MTR: variants seen among roughly 807,000 people sequenced by gnomAD.
The protein encoded by MTR is 5-methyltetrahydrofolate-homocysteine methyltransferase.
A neutral mutation model predicts 154.8 loss-of-function variants in MTR; 84 were observed. That is an observed-to-expected ratio of 0.54 (90% CI 0.45 to 0.65). The LOEUF (loss-of-function observed/expected upper bound fraction) is 0.65, where lower values mean the gene tolerates loss of function less well. Among genes scored for constraint, MTR ranks in the 30% least tolerant of loss-of-function variants. The pLI is 0.00. For missense variants in MTR, 1,275 were observed against 1,570.2 expected, an observed-to-expected ratio of 0.81 and a Z score of 3.18; for synonymous variants, 554 against 553.9, an observed-to-expected ratio of 1.00 and a Z score of 0.00.
In MTR at chr1:236,901,266, T is replaced by G. The variant is rs1666905715; in HGVS notation, c.*3622T>G. On this transcript the variant is annotated 3_prime_UTR_variant, in exon 33 of 33. Coordinates refer to ENST00000366577, the MANE Select transcript of MTR (RefSeq NM_000254.3). ...CAGCGTCAGGGGATTGTGGGGACTG[T>G]TGGCACACAGCTGGCTTTGCTAGGT... 1.3e-5 allele frequency: 2 copies of G among 152,588 alleles called. No homozygotes were observed. Among genetic ancestry groups the G allele is most frequent in the African/African-American group, 4.8e-5 (2 of 41,408 alleles). The allele number at this position is 152,588 out of a possible 1,614,324, so 9.5% of individuals were successfully genotyped here.
In MTR at chr1:236,861,214, C is replaced by T. The variant is rs760288302; in HGVS notation, c.2133C>T (p.Pro711=). 1.2e-6 allele frequency: 2 copies of T among 1,613,346 alleles called. No individual in the cohort carries two copies. The highest frequency in any genetic ancestry group is 3.3e-5 in the Admixed American group (2 of 59,960). Residue 711 remains proline (P), a synonymous_variant, in exon 20 of 33, where the codon CCC becomes CCT. Transcript: ENST00000366577. ...YPRPLNIIEG[P]LMNGMKIVGD... ...GACCTCTCAATATAATTGAAGGACC[C>T]CTGATGAATGGAATGAAAATTGTTG...
At chr1:236,806,054 C>A in intron 2 of MTR, 90 bp from the exon 3 acceptor site, 2 of 1,049,898 alleles carry the variant, frequency 1.9e-6, no homozygotes, top group Non-Finnish European at 1.5e-6. Context: ...AAGGTAGCTG[C>A]TGATAATGGT....
intron 28 of MTR, among the ~76,000 whole-genome samples, 182 bp from the exon 29 acceptor site, chr1:236,890,951 G>A (rs1382077028): frequency 6.6e-6 from 1 of 152,172 alleles, no homozygotes; most frequent in Non-Finnish European, 1.5e-5. Context: ...AGCAGGAGCC[G>A]CAAAGCCCTG....
intron 8 of MTR, 51 bp from the exon 9 acceptor site, chr1:236,824,068 T>C (rs761731523): frequency 2.8e-6 from 4 of 1,446,696 alleles, no homozygotes; most frequent in Non-Finnish European, 2.9e-6. Flanking sequence ...CTTATATGCA[T>C]AAATATGAAT....
In MTR at chr1:236,832,943, T is replaced by C. The variant is rs1290388520; in HGVS notation, c.1188+865T>C. 2.0e-5 allele frequency among the ~76,000 whole-genome samples: 3 copies of C among 152,370 alleles called. No individual in the cohort carries two copies. In the East Asian group the frequency reaches 5.8e-4, roughly 29 times the overall value. On this transcript the variant is annotated intron_variant, in intron 13 of 32. Transcript: ENST00000366577. ...GTTTCACCACTTCCTCTGTTGGTCC[T>C]CTTCCCCTCATTCTTGCTGCTGTCC... is the stretch of plus-strand genomic sequence containing the variant.
chr1:236,809,068 T>C (rs952511585), intron 4 of MTR, among the ~76,000 whole-genome samples: 1 of 152,244 alleles, frequency 6.6e-6, no homozygotes, highest in African/African-American at 2.4e-5. Flanking sequence ...AGAGCTGAAA[T>C]AATTTATGTC....
At chr1:236,800,775 A>G (rs1390070239) in intron 1 of MTR, among the ~76,000 whole-genome samples, 1 of 152,256 alleles carries the variant, frequency 6.6e-6, no homozygotes, top group Non-Finnish European at 1.5e-5. Context: ...TATACATCAA[A>G]CACCAATGTC....
chr1:236,884,355 CTT>C (rs1410040805), intron 25 of MTR, among the ~76,000 whole-genome samples: 1 of 152,200 alleles, frequency 6.6e-6, no homozygotes, highest in East Asian at 1.9e-4. Flanking sequence ...AATAGAATAT[CTT>C]TGAAACCTTG....
intron 3 of MTR, among the ~76,000 whole-genome samples, chr1:236,806,930 T>G (rs1265179215): frequency 2.6e-5 from 4 of 152,196 alleles, no homozygotes; most frequent in Admixed American, 2.0e-4. Flanking sequence ...TCCTTCCTTT[T>G]TAAGGTTGAA....
rs1572265902 is a variant in MTR, at chr1:236,852,733, C to A, written c.1812+96C>A. 5.8e-6 allele frequency: 7 copies of A among 1,212,552 alleles called. No homozygotes were observed. In the East Asian group the frequency reaches 1.6e-4, roughly 28 times the overall value. The allele number at this position is 1,212,552 out of a possible 1,614,324, so 75.1% of individuals were successfully genotyped here. A position where few individuals can be genotyped will look rare whatever the true frequency, so the allele number is the denominator to read the frequency against. On this transcript the variant is annotated intron_variant, in intron 17 of 32. Coordinates refer to ENST00000366577, the MANE Select transcript of MTR (RefSeq NM_000254.3). The stretch of plus-strand genomic sequence containing the variant: ...ATGCAGGCTAAGTCCGGCCTGCTGC[C>A]AGTTTCTGTAAATAAGATTTTATTG...
At chr1:236,833,202 C>T (rs1434139056) in intron 13 of MTR, among the ~76,000 whole-genome samples, 1 of 152,186 alleles carries the variant, frequency 6.6e-6, no homozygotes, top group East Asian at 1.9e-4. Context: ...GTGACTCTTC[C>T]TAGCCATATA....
At position 236,867,369 on chromosome 1, in the gene MTR, A is replaced by G. The variant is rs549702670; in HGVS notation, c.2405+3815A>G. ...TGGGTTTACTGAATATTTTAAGCCT[A>G]CCATTAAGACCTACTGCTCAGTAAA... On this transcript the variant is annotated intron_variant, in intron 22 of 32. Coordinates refer to ENST00000366577, the MANE Select transcript of MTR (RefSeq NM_000254.3). Among the ~76,000 whole-genome samples, 4 of 152,336 alleles carry G rather than the reference A, an allele frequency of 2.6e-5. No homozygotes were observed. In the East Asian group the frequency reaches 7.7e-4, roughly 29 times the overall value.
In MTR at chr1:236,867,578, A is replaced by G. The variant is rs114136683; in HGVS notation, c.2405+4024A>G. On this transcript the variant is annotated intron_variant, in intron 22 of 32. Coordinates refer to ENST00000366577, the MANE Select transcript of MTR (RefSeq NM_000254.3). The stretch of plus-strand genomic sequence containing the variant: ...TACATTTTGTAAGGCTGTAGCTGCC[A>G]TAGATAGTGATGGATCTGGGCAAAG... Among the ~76,000 whole-genome samples, 864 of 152,316 alleles carry G rather than the reference A, an allele frequency of 5.7e-3. 11 individuals are homozygous for G. Among genetic ancestry groups the G allele is most frequent in the African/African-American group, 0.02 (813 of 41,578 alleles).
intron 32 of MTR, among the ~76,000 whole-genome samples, 157 bp downstream of exon 32, chr1:236,897,275 T>A (rs1390976400): frequency 1.0e-5 from 1 of 96,470 alleles, no homozygotes; most frequent in Non-Finnish European, 2.5e-5. Context: ...ATACCTCTAT[T>A]CTAGCCCTCA....
intron 15 of MTR, among the ~76,000 whole-genome samples, chr1:236,848,099 A>G (rs1165091955): frequency 1.3e-5 from 2 of 152,210 alleles, no homozygotes; most frequent in African/African-American, 4.8e-5. Flanking sequence ...GCTAGACGCC[A>G]TGAGAACAAT....
At chr1:236,842,428 A>G (rs1446976177) in intron 15 of MTR, among the ~76,000 whole-genome samples, 1 of 152,076 alleles carries the variant, frequency 6.6e-6, no homozygotes, top group African/African-American at 2.4e-5. Flanking sequence ...TGTTTTGGAC[A>G]GGTTGCCTAA....
chr1:236,836,580 T>C (rs536310622), intron 14 of MTR, among the ~76,000 whole-genome samples: 1 of 152,346 alleles, frequency 6.6e-6, no homozygotes, highest in African/African-American at 2.4e-5. Context: ...AACTTCCTAG[T>C]GCTCTAAGAG....
intron 15 of MTR, among the ~76,000 whole-genome samples, chr1:236,845,598 A>G (rs1183418921): frequency 6.6e-6 from 1 of 152,190 alleles, no homozygotes; most frequent in African/African-American, 2.4e-5. Flanking sequence ...ATATGCCGAG[A>G]TTTTACACCA....
Position 236,831,979 on chromosome 1 carries a change from C to A in MTR, c.1089C>A (p.Phe363Leu), listed in dbSNP as rs145217819. 29 of 1,613,918 alleles carry A rather than the reference C, an allele frequency of 1.8e-5. No individual in the cohort carries two copies. Among genetic ancestry groups the A allele is most frequent in the Non-Finnish European group, 2.2e-5 (26 of 1,179,898 alleles). The change falls in exon 13 of 33, where the codon TTC (phenylalanine) becomes TTA (leucine). Residue 363 changes from phenylalanine to leucine, a missense_variant. Phe to Leu is a conservative substitution (Grantham distance 22, BLOSUM62 0). Coordinates refer to ENST00000366577, the MANE Select transcript of MTR (RefSeq NM_000254.3). The stretch of plus-strand genomic sequence containing the variant: ...TCTCCTTTTAAGGTCTAGAGCCCTT[C>A]AGGATTGGACCGTACACCAACTTTG... Reference protein sequence around the residue: ...GHMLLSGLEPFRIGPYTNFVN... With the variant: ...GHMLLSGLEPLRIGPYTNFVN...
Sources: gnomAD v4.1 joint callset for allele counts (sites outside exome capture counted in the v4.1 genomes callset) on GRCh38, gnomAD v4.1.1 for gene constraint, MANE v1.5 for transcripts, NCBI Gene and HGNC (gene_info 2026-07-23, HGNC 2026-07-21) for gene names.